Variants in GPC6 observed in about 807,000 individuals in gnomAD.
The protein encoded by GPC6 is glypican-6.
A neutral mutation model predicts 55.2 loss-of-function variants in GPC6; 14 were observed. That is an observed-to-expected ratio of 0.25 (90% CI 0.17 to 0.40). The LOEUF (loss-of-function observed/expected upper bound fraction) is 0.40. Ranked by LOEUF, GPC6 falls within the 10% of genes least tolerant of loss-of-function variation. The probability of loss-of-function intolerance (pLI) is 1.00; values close to 1 mark genes in which losing one functional copy is unlikely to be tolerated. For synonymous variants in GPC6, 278 were observed against 259.6 expected, an observed-to-expected ratio of 1.07 and a Z score of -0.68; for missense variants, 641 against 708.5, an observed-to-expected ratio of 0.90 and a Z score of 1.08.
At chr13:93,231,391 A>ATATG (rs1256773292) in intron 1 of GPC6, among the ~76,000 whole-genome samples, 356 of 21,286 alleles carry the variant, frequency 0.017, 12 homozygotes, top group South Asian at 0.046. Flanking sequence ...ATATATATAT[A>ATATG]TATATGTATA....
chr13:94,262,502 G>A (rs759667571), intron 4 of GPC6, among the ~76,000 whole-genome samples: 28 of 152,016 alleles, frequency 1.8e-4, no homozygotes, highest in East Asian at 5.8e-4. Context: ...GTGAAACCCC[G>A]TCTCTACTAA....
intron 1 of GPC6, among the ~76,000 whole-genome samples, chr13:93,393,182 G>T (rs1397161424): frequency 1.3e-5 from 2 of 150,106 alleles, no homozygotes; most frequent in African/African-American, 4.9e-5. Flanking sequence ...ACTGTCGTCT[G>T]GGCTGGAGTG....
At chr13:93,582,575 A>C (rs964018442) in intron 2 of GPC6, among the ~76,000 whole-genome samples, 1 of 152,248 alleles carries the variant, frequency 6.6e-6, no homozygotes, top group Non-Finnish European at 1.5e-5. Context: ...TCTCAGATGA[A>C]AGAACAGACC....
intron 6 of GPC6, among the ~76,000 whole-genome samples, chr13:94,341,544 C>T (rs1878037773): frequency 6.7e-6 from 1 of 148,726 alleles, no homozygotes; most frequent in African/African-American, 2.5e-5. Context: ...GAGATCACAC[C>T]ACTGCACTCC....
intron 5 of GPC6, among the ~76,000 whole-genome samples, chr13:94,296,440 A>T (rs1208551242): frequency 6.6e-6 from 1 of 152,196 alleles, no homozygotes; most frequent in Non-Finnish European, 1.5e-5. Context: ...GGTCTCCTGA[A>T]AAAAAGTCTC....
chr13:93,757,873 A>G (rs1403746642), intron 2 of GPC6, among the ~76,000 whole-genome samples: 1 of 152,196 alleles, frequency 6.6e-6, no homozygotes, highest in Non-Finnish European at 1.5e-5. Flanking sequence ...TTATATAGGA[A>G]AAGAAAACAG....
intron 1 of GPC6, among the ~76,000 whole-genome samples, chr13:93,410,087 T>C (rs962223448): frequency 6.6e-6 from 1 of 152,338 alleles, no homozygotes; most frequent in Non-Finnish European, 1.5e-5. Context: ...TAATCCAAGA[T>C]TGAGTCCAGC....
chr13:93,425,436 AC>A (rs67251599), intron 1 of GPC6, among the ~76,000 whole-genome samples: 47,974 of 152,032 alleles, frequency 0.32, 9,187 homozygotes, highest in Non-Finnish European at 0.45. Context: ...CCTAAGGCAG[AC>A]CTCTGGGAGC....
chr13:93,503,227 A>G (rs1185352220), intron 1 of GPC6, among the ~76,000 whole-genome samples: 1 of 152,150 alleles, frequency 6.6e-6, no homozygotes, highest in East Asian at 1.9e-4. Flanking sequence ...ATTGCTACCA[A>G]GTTCTAAATT....
At chr13:94,387,169 G>A (rs1164794244) in intron 7 of GPC6, among the ~76,000 whole-genome samples, 4 of 152,062 alleles carry the variant, frequency 2.6e-5, no homozygotes, top group Non-Finnish European at 5.9e-5. Flanking sequence ...GTAAGCAGTG[G>A]CTCCCCTAAG....
At chr13:93,311,919 G>A (rs1163117028) in intron 1 of GPC6, among the ~76,000 whole-genome samples, 3 of 152,146 alleles carry the variant, frequency 2.0e-5, no homozygotes, top group Non-Finnish European at 4.4e-5. Context: ...TAATCAGGCA[G>A]AAGCAATTTT....
rs111316443 is a variant in GPC6 at position 93,835,900 on chromosome 13, G to T, written c.711+5355G>T. 1.7e-3 allele frequency among the ~76,000 whole-genome samples: 258 copies of T among 152,154 alleles called. 3 individuals carry two copies. The highest frequency in any genetic ancestry group is 5.9e-3 in the African/African-American group (245 of 41,522). On this transcript the variant is annotated intron_variant, in intron 3 of 8. Transcript: ENST00000377047. The stretch of plus-strand genomic sequence containing the variant: ...ACAAATGGGGGAGGTAGTAGAGCTG[G>T]GATCCATATAACTTGAACTATTGAC...
At chr13:93,307,524 A>T (rs1046700460) in intron 1 of GPC6, among the ~76,000 whole-genome samples, 1 of 152,156 alleles carries the variant, frequency 6.6e-6, no homozygotes, top group African/African-American at 2.4e-5. Flanking sequence ...AATTCTAATT[A>T]TAAACCACTC....
intron 1 of GPC6, among the ~76,000 whole-genome samples, chr13:93,490,278 G>C (rs1170207843): frequency 2.6e-5 from 4 of 151,190 alleles, no homozygotes; most frequent in Non-Finnish European, 5.9e-5. Flanking sequence ...AAATTGTTTT[G>C]AATCTGTTAT....
At chr13:94,336,337 G>A (rs754192378) in intron 6 of GPC6, among the ~76,000 whole-genome samples, 5 of 152,126 alleles carry the variant, frequency 3.3e-5, no homozygotes, top group African/African-American at 9.7e-5. Flanking sequence ...ATTTCCAGAT[G>A]TTCTTTGATT....
At chr13:94,139,306 C>T (rs1355970073) in intron 4 of GPC6, among the ~76,000 whole-genome samples, 1 of 152,152 alleles carries the variant, frequency 6.6e-6, no homozygotes, top group Non-Finnish European at 1.5e-5. Context: ...ATACCCCATA[C>T]ATTTATGCAA....
rs1877759631 is a variant in GPC6, at chr13:93,596,729, T to G, written c.319+51308T>G. Among the ~76,000 whole-genome samples the G allele has an allele frequency of 2.7e-5, 4 of 148,314 alleles. No individual in the cohort carries two copies. The South Asian group carries it at 8.3e-4, about 31-fold the overall frequency. The stretch of plus-strand genomic sequence containing the variant: ...AAGTGTGTATACACATATATAAGTG[T>G]ATATGCATATATATATGTGTATATA... On this transcript the variant is annotated intron_variant, in intron 2 of 8. Coordinates refer to ENST00000377047, the MANE Select transcript of GPC6 (RefSeq NM_005708.5).
chr13:93,693,046 A>T (rs749317287), intron 2 of GPC6, among the ~76,000 whole-genome samples: 16 of 152,042 alleles, frequency 1.1e-4, no homozygotes, highest in Non-Finnish European at 2.2e-4. Flanking sequence ...ATAATAAAGG[A>T]CTATGTAATA....
chr13:93,928,037 G>C (rs1479205208), intron 3 of GPC6, among the ~76,000 whole-genome samples: 1 of 151,976 alleles, frequency 6.6e-6, no homozygotes, highest in Non-Finnish European at 1.5e-5. Context: ...GTGGAATTTG[G>C]TTCCTTTATT....
Sources: gnomAD v4.1 joint callset for allele counts (sites outside exome capture counted in the v4.1 genomes callset) on GRCh38, gnomAD v4.1.1 for gene constraint, MANE v1.5 for transcripts, NCBI Gene and HGNC (gene_info 2026-07-23, HGNC 2026-07-21) for gene names.